Variants in SLC28A1 observed in about 807,000 individuals in gnomAD.
SLC28A1 encodes sodium/nucleoside cotransporter 1.
Under a neutral mutation model 74.8 loss-of-function variants are expected in SLC28A1, and 64 were observed. That is an observed-to-expected ratio of 0.86 (90% CI 0.70 to 1.05). SLC28A1 has a LOEUF of 1.05. Ranked by LOEUF, SLC28A1 falls within the 50% of genes least tolerant of loss-of-function variation. The pLI, the probability that SLC28A1 is intolerant of heterozygous loss-of-function variation, is 0.00. For missense variants in SLC28A1, 828 were observed against 822.8 expected (o/e 1.01, Z -0.08); for synonymous variants, 359 against 335.0 (o/e 1.07, Z -0.78).
the SLC28A1 span, among the ~76,000 whole-genome samples, chr15:84,960,892 A>G: frequency 6.6e-6 from 1 of 152,208 alleles, no homozygotes; most frequent in African/African-American, 2.4e-5. Context: ...TTGAGCGACA[A>G]CAGTGCTAAC....
the SLC28A1 span, among the ~76,000 whole-genome samples, chr15:84,951,499 G>T: frequency 6.0e-5 from 9 of 151,164 alleles, no homozygotes; most frequent in South Asian, 2.1e-4. Context: ...AGACTGCCAC[G>T]ACAGCACAAA....
At position 84,902,429 on chromosome 15, in the gene SLC28A1, G is replaced by A. The variant is rs191736709; in HGVS notation, c.462-1668G>A. 1.3e-4 allele frequency among the ~76,000 whole-genome samples: 19 copies of A among 151,316 alleles called. No individual in the cohort carries two copies. In the East Asian group the frequency reaches 3.3e-3, roughly 26 times the overall value. ...CCGGAGGTGGAGGTTGCAGTGAGCC[G>A]AGATCGTGCCACTGCACTGCAGCTT... On this transcript the variant is annotated intron_variant, in intron 6 of 18. Coordinates refer to ENST00000394573, the MANE Select transcript of SLC28A1 (RefSeq NM_004213.5).
chr15:84,919,115 C>A lies in SLC28A1; in HGVS notation c.876+511C>A, dbSNP rs151335867. On this transcript the variant is annotated intron_variant, in intron 10 of 18. Coordinates refer to ENST00000394573, the MANE Select transcript of SLC28A1 (RefSeq NM_004213.5). ...TAGAGGAAAGGTTGCAGTTTTGAGG[C>A]GGCACTGAAAAGGTGTAGAGGGAAG... 4.8e-3 allele frequency among the ~76,000 whole-genome samples: 727 copies of A among 152,274 alleles called. 5 individuals carry two copies. The highest frequency in any genetic ancestry group is 7.9e-3 in the Non-Finnish European group (538 of 68,030).
intron 9 of SLC28A1, 152 bp from the exon 10 acceptor site, chr15:84,918,372 C>A (rs1349000284): frequency 1.4e-6 from 1 of 728,996 alleles, no homozygotes; most frequent in Middle Eastern, 3.6e-4. Context: ...GGACTTCATG[C>A]ACTGATCTCA....
intron 5 of SLC28A1, among the ~76,000 whole-genome samples, chr15:84,893,232 G>A (rs1965561571): frequency 6.6e-6 from 1 of 152,096 alleles, no homozygotes; most frequent in South Asian, 2.1e-4. Context: ...ACCCCACCTT[G>A]TAGGGGTCTT....
intron 12 of SLC28A1, 70 bp downstream of exon 12, chr15:84,924,180 A>G: frequency 1.3e-6 from 2 of 1,545,636 alleles, no homozygotes; most frequent in Non-Finnish European, 1.8e-6. Flanking sequence ...AGCCCCACAC[A>G]GCTCCTGGCC....
chr15:84,902,583 C>T (rs12101446), intron 6 of SLC28A1, among the ~76,000 whole-genome samples: 36,748 of 151,844 alleles, frequency 0.24, 4,755 homozygotes, highest in Middle Eastern at 0.32. Context: ...TGGATACGTT[C>T]ACTCTCTTGA....
In SLC28A1 at chr15:84,886,449, G is replaced by A. The variant is rs533753105; in HGVS notation, c.-132-223G>A. The A allele has an allele frequency of 1.5e-4, 150 of 985,452 alleles. 1 individual carries two copies. The African/African-American group carries it at 2.4e-3, about 16-fold the overall frequency. The allele number at this position is 985,452 out of a possible 1,614,324, so 61.0% of individuals were successfully genotyped here. ...AGCGGCCCTAATAGGCCTGGAAGAGGTCAGTTTGGGAACTGGGGAGAGGGC... is the reference window on the plus strand; with the variant it reads ...AGCGGCCCTAATAGGCCTGGAAGAGATCAGTTTGGGAACTGGGGAGAGGGC... On this transcript the variant is annotated intron_variant, in intron 1 of 18. Transcript: ENST00000394573.
chr15:84,937,610 GA>G (rs1972086806), intron 15 of SLC28A1, among the ~76,000 whole-genome samples: 1 of 152,126 alleles, frequency 6.6e-6, no homozygotes, highest in Non-Finnish European at 1.5e-5. Context: ...TTTTAAAAAA[GA>G]AAGTTTGTGG....
chr15:84,893,616 C>A (rs998431316), intron 5 of SLC28A1, among the ~76,000 whole-genome samples: 1 of 152,160 alleles, frequency 6.6e-6, no homozygotes, highest in African/African-American at 2.4e-5. Flanking sequence ...CCTGACCTGT[C>A]CACTTCTCCA....
At chr15:84,927,621 A>G (rs1437598970) in intron 12 of SLC28A1, among the ~76,000 whole-genome samples, 3 of 152,218 alleles carry the variant, frequency 2.0e-5, no homozygotes, top group African/African-American at 7.2e-5. Context: ...CCAGAAAGGC[A>G]GAGGGAAGTT....
the SLC28A1 span, among the ~76,000 whole-genome samples, chr15:84,960,576 T>G: frequency 6.6e-6 from 1 of 152,160 alleles, no homozygotes; most frequent in Non-Finnish European, 1.5e-5. Context: ...CTTTTCTGAT[T>G]CAATATCTCC....
At chr15:84,926,412 A>G in intron 12 of SLC28A1, 4 of 284,390 alleles carry the variant, frequency 1.4e-5, no homozygotes, top group Non-Finnish European at 2.7e-5. Flanking sequence ...TATGTTGCTC[A>G]GGCTGGTCTT....
rs36126528 is a variant in SLC28A1, at chr15:84,910,596, T to C, written c.795+1801T>C. Among the ~76,000 whole-genome samples the C allele has an allele frequency of 6.5e-3, 993 of 152,172 alleles. 12 individuals carry two copies. Among genetic ancestry groups the C allele is most frequent in the African/African-American group, 0.02 (840 of 41,520 alleles). Reference sequence around the variant, plus strand: ...ATACAAAATTAGCCAAGTGTGGTGGTGCATGCCTGTAATCCCAGCTACTTG... The same window carrying C: ...ATACAAAATTAGCCAAGTGTGGTGGCGCATGCCTGTAATCCCAGCTACTTG... On this transcript the variant is annotated intron_variant, in intron 9 of 18. Transcript: ENST00000394573.
chr15:84,916,539 T>C (rs1969131932), intron 9 of SLC28A1, among the ~76,000 whole-genome samples: 1 of 151,448 alleles, frequency 6.6e-6, no homozygotes, highest in Admixed American at 6.6e-5. Flanking sequence ...TGAACCACCA[T>C]GCTGGGCCAA....
At chr15:84,887,022 C>T (rs1335156573) in intron 2 of SLC28A1, among the ~76,000 whole-genome samples, 1 of 152,218 alleles carries the variant, frequency 6.6e-6, no homozygotes, top group Non-Finnish European at 1.5e-5. Flanking sequence ...TACAGATGAG[C>T]TTAAGCCTAC....
chr15:84,909,078 G>A (rs2305363), intron 9 of SLC28A1, among the ~76,000 whole-genome samples: 38,255 of 151,978 alleles, frequency 0.25, 5,048 homozygotes, highest in South Asian at 0.46. Flanking sequence ...TAGAATTACT[G>A]AGTAGCTGAG....
At chr15:84,972,067 T>C in the SLC28A1 span, among the ~76,000 whole-genome samples, 4 of 152,230 alleles carry the variant, frequency 2.6e-5, no homozygotes, top group Non-Finnish European at 5.9e-5. Context: ...ATACATGTCA[T>C]TGCTGAGCTG....
the SLC28A1 span, among the ~76,000 whole-genome samples, chr15:84,967,855 G>A: frequency 9.8e-5 from 15 of 152,306 alleles, no homozygotes; most frequent in South Asian, 3.1e-3. Flanking sequence ...GAGTCTGAGG[G>A]TAGGCTGCCA....
Sources: gnomAD v4.1 joint callset for allele counts (sites outside exome capture counted in the v4.1 genomes callset) on GRCh38, gnomAD v4.1.1 for gene constraint, MANE v1.5 for transcripts, NCBI Gene and HGNC (gene_info 2026-07-23, HGNC 2026-07-21) for gene names.